The following NOVA2 variants were observed in gnomAD, a reference collection of about 807,000 sequenced individuals.
NOVA2 encodes RNA-binding protein Nova-2.
NOVA2 carries 9 observed loss-of-function variants against 22.5 expected under a neutral mutation model. The observed-to-expected ratio is 0.40, with a 90% CI of 0.24 to 0.70. NOVA2 has a LOEUF of 0.70. Among genes scored for constraint, NOVA2 ranks in the 30% least tolerant of loss-of-function variants. NOVA2 has a pLI of 0.38. For synonymous variants in NOVA2, 318 were observed against 335.2 expected (o/e 0.95, Z 0.56); for missense variants, 383 against 682.8 (o/e 0.56, Z 4.89).
Position 45,936,731 on chromosome 19 carries a change from A to C in NOVA2, c.*3132T>G, listed in dbSNP as rs2146402846. The C allele has an allele frequency of 6.6e-6, 1 of 152,256 alleles. No individual in the cohort carries two copies. Among genetic ancestry groups the C allele is most frequent in the Middle Eastern group, 3.4e-3 (1 of 294 alleles). The allele number at this position is 152,256 out of a possible 1,614,324, so 9.4% of individuals were successfully genotyped here. ...GAGCCAGACAAAGAAAGGGAGGAAGACACTTGGAGAAGGTATGGGAAGCTA... is the reference window on the plus strand; with the variant it reads ...GAGCCAGACAAAGAAAGGGAGGAAGCCACTTGGAGAAGGTATGGGAAGCTA... On this transcript the variant is annotated 3_prime_UTR_variant, in exon 4 of 4. Transcript: ENST00000263257.
chr19:45,963,933 C>A (rs1968132091), intron 1 of NOVA2, among the ~76,000 whole-genome samples: 1 of 152,106 alleles, frequency 6.6e-6, no homozygotes, highest in Admixed American at 6.5e-5. Context: ...CCGTTTCATG[C>A]CTTCAGAGTA....
chr19:45,957,276 C>T lies in NOVA2; in HGVS notation c.230-3330G>A, dbSNP rs531820958. On this transcript the variant is annotated intron_variant, in intron 2 of 3. Coordinates refer to ENST00000263257, the MANE Select transcript of NOVA2 (RefSeq NM_002516.4). Reference sequence around the variant, plus strand: ...TATACAGGCCAGGTGCAGTGGCTCACGCCTGTAATCCCAGCACTTTGGGAG... The same window carrying T: ...TATACAGGCCAGGTGCAGTGGCTCATGCCTGTAATCCCAGCACTTTGGGAG... 9.7e-4 allele frequency among the ~76,000 whole-genome samples: 147 copies of T among 152,126 alleles called. 1 individual carries two copies. The highest frequency in any genetic ancestry group is 3.4e-3 in the African/African-American group (141 of 41,506).
intron 3 of NOVA2, among the ~76,000 whole-genome samples, chr19:45,953,347 T>C (rs890220159): frequency 1.3e-5 from 2 of 151,992 alleles, no homozygotes; most frequent in Non-Finnish European, 2.9e-5. Context: ...ATACGTTAAT[T>C]ATGGAGGGAA....
At chr19:45,946,330 G>A (rs924860337) in intron 3 of NOVA2, among the ~76,000 whole-genome samples, 2 of 152,158 alleles carry the variant, frequency 1.3e-5, no homozygotes, top group Non-Finnish European at 2.9e-5. Flanking sequence ...ATTTATTCTA[G>A]AGTAAAAGAG....
intron 2 of NOVA2, among the ~76,000 whole-genome samples, chr19:45,955,079 A>G (rs1366514328): frequency 6.6e-6 from 1 of 151,124 alleles, no homozygotes; most frequent in Admixed American, 6.6e-5. Flanking sequence ...TGTGAGACAG[A>G]GCTGAGTGTA....
intron 1 of NOVA2, chr19:45,962,699 T>G (rs910995897): frequency 3.9e-5 from 6 of 152,156 alleles, no homozygotes; most frequent in African/African-American, 1.2e-4. Flanking sequence ...CAGGCTGGAG[T>G]GCAGTGGTGC....
In NOVA2 at chr19:45,939,102, T is replaced by C. The variant is rs1229734289; in HGVS notation, c.*761A>G. On this transcript the variant is annotated 3_prime_UTR_variant, in exon 4 of 4. Transcript: ENST00000263257. ...AAGCCATCAGAGATACCACACCAAG[T>C]TGATCCAGCCTCTTGCAAGTCTTGC... 6.6e-6 allele frequency: 1 copy of C among 152,310 alleles called. No individual in the cohort carries two copies. Among genetic ancestry groups the C allele is most frequent in the Non-Finnish European group, 1.5e-5 (1 of 68,126 alleles). 9.4% of individuals were successfully genotyped at this position (152,310 alleles called of 1,614,324 possible). A position where few individuals can be genotyped will look rare whatever the true frequency, so the allele number is the denominator to read the frequency against.
chr19:45,949,131 C>T (rs1967885023), intron 3 of NOVA2, among the ~76,000 whole-genome samples: 1 of 151,896 alleles, frequency 6.6e-6, no homozygotes. Context: ...GACGTTGAGA[C>T]TGGGATCTGG....
chr19:45,947,470 G>GTTTTTT (rs5828256), intron 3 of NOVA2, among the ~76,000 whole-genome samples: 4 of 147,286 alleles, frequency 2.7e-5, no homozygotes, highest in Non-Finnish European at 3.0e-5. Flanking sequence ...AAGCACCCTA[G>GTTTTTT]TTTTTTTTTT....
intron 2 of NOVA2, among the ~76,000 whole-genome samples, chr19:45,958,353 CTGTGTG>C (rs572028267): frequency 3.4e-5 from 5 of 145,872 alleles, no homozygotes; most frequent in Non-Finnish European, 6.1e-5. Flanking sequence ...CACCCAAGTG[CTGTGTG>C]TGTGTGTGTG....
intron 3 of NOVA2, among the ~76,000 whole-genome samples, chr19:45,946,732 C>T (rs1290870046): frequency 2.6e-5 from 4 of 151,924 alleles, no homozygotes; most frequent in Admixed American, 6.6e-5. Context: ...ATTAGCCAGG[C>T]GTGGTGGCAC....
chr19:45,961,381 G>A (rs1968093895), intron 1 of NOVA2, among the ~76,000 whole-genome samples: 1 of 152,216 alleles, frequency 6.6e-6, no homozygotes, highest in Non-Finnish European at 1.5e-5. Context: ...TCCCCGATTT[G>A]TGGGCAAATG....
At chr19:45,964,299 C>G (rs1968138920) in intron 1 of NOVA2, among the ~76,000 whole-genome samples, 1 of 149,194 alleles carries the variant, frequency 6.7e-6, no homozygotes, top group Non-Finnish European at 1.5e-5. Flanking sequence ...TCTGCCTCAG[C>G]CTGCGGAGTA....
At chr19:45,943,779 C>A (rs1403062830) in intron 3 of NOVA2, among the ~76,000 whole-genome samples, 8 of 150,808 alleles carry the variant, frequency 5.3e-5, no homozygotes, top group South Asian at 4.2e-4. Context: ...CTATCCCCCC[C>A]AAAATAAATA....
At chr19:45,961,881 A>G (rs1052154012) in intron 1 of NOVA2, among the ~76,000 whole-genome samples, 1 of 152,156 alleles carries the variant, frequency 6.6e-6, no homozygotes, top group Non-Finnish European at 1.5e-5. Context: ...AAGGCCCTGA[A>G]GTGGGACTGT....
chr19:45,940,252 C>T lies in NOVA2; in HGVS notation c.1090G>A (p.Gly364Ser). 9.2e-7 allele frequency: 1 copy of T among 1,089,434 alleles called. No homozygotes were observed. Among genetic ancestry groups the T allele is most frequent in the African/African-American group, 1.7e-5 (1 of 59,138 alleles). 67.5% of individuals were successfully genotyped at this position (1,089,434 alleles called of 1,614,324 possible). A position where few individuals can be genotyped will look rare whatever the true frequency, so the allele number is the denominator to read the frequency against. ...GSFALAAAAN[G>S]YLGAGAGGGA... ...CCGCCCGCCCCGGCCCCGAGGTAGC[C>T]GTTGGCGGCTGCGGCCAACGCAAAG... is the stretch of plus-strand genomic sequence containing the variant. Residue 364 changes from glycine (G) to serine (S), a missense_variant, in exon 4 of 4, where the codon GGC becomes AGC. Transcript: ENST00000263257.
intron 3 of NOVA2, among the ~76,000 whole-genome samples, chr19:45,943,974 C>G (rs1465593019): frequency 1.3e-5 from 2 of 152,154 alleles, no homozygotes; most frequent in Admixed American, 6.5e-5. Flanking sequence ...AAGTTTTCAT[C>G]ATTTTAGAAA....
At chr19:45,969,509 GAAAAAAA>G (rs397946088) in intron 1 of NOVA2, among the ~76,000 whole-genome samples, 79 of 40,550 alleles carry the variant, frequency 1.9e-3, no homozygotes, top group African/African-American at 8.7e-3. Context: ...CCCTGTCTCA[GAAAAAAA>G]AAAAAAAAAA....
chr19:45,939,921 C>T lies in NOVA2; in HGVS notation c.1421G>A (p.Ser474Asn). ...AATQAAQYLI[S>N]QRVTYEQGVR... ...TCCCTGCTCGTAGGTGACCCGCTGA[C>T]TGATGAGGTATTGAGCGGCTTGCGT... Residue 474 changes from serine to asparagine, a missense_variant, in exon 4 of 4, where the codon AGT becomes AAT. Around this residue, in one of 2 missense-constraint regions of NOVA2, gnomAD observed 34 missense variants for 104.7 expected, o/e 0.32. Coordinates refer to ENST00000263257, the MANE Select transcript of NOVA2 (RefSeq NM_002516.4). 6.2e-7 allele frequency: 1 copy of T among 1,614,230 alleles called. No homozygotes were observed. The highest frequency in any genetic ancestry group is 8.5e-7 in the Non-Finnish European group (1 of 1,180,034).
Sources: gnomAD v4.1 joint callset for allele counts (sites outside exome capture counted in the v4.1 genomes callset) on GRCh38, gnomAD v4.1.1 for gene constraint, gnomAD v4.1.1 regional missense constraint, MANE v1.5 for transcripts, NCBI Gene and HGNC (gene_info 2026-07-23, HGNC 2026-07-21) for gene names.